DNAH14: variants seen among roughly 807,000 people sequenced by gnomAD.
DNAH14 encodes the protein dynein axonemal heavy chain 14.
A neutral mutation model predicts 520.9 loss-of-function variants in DNAH14; 478 were observed. That is an observed-to-expected ratio of 0.92 (90% confidence interval 0.85 to 0.99). The LOEUF (loss-of-function observed/expected upper bound fraction) is 0.99. Among genes scored for constraint, DNAH14 ranks in the 50% least tolerant of loss-of-function variants. The pLI is 0.00. For synonymous variants in DNAH14, 1,581 were observed against 1,757.2 expected, an observed-to-expected ratio of 0.90 and a Z score of 2.51; for missense variants, 4,831 against 5,234.5, an observed-to-expected ratio of 0.92 and a Z score of 2.38.
At chr1:225,027,191 T>G (rs2066180853) in intron 11 of DNAH14, among the ~76,000 whole-genome samples, 1 of 152,178 alleles carries the variant, frequency 6.6e-6, no homozygotes, top group Non-Finnish European at 1.5e-5. Flanking sequence ...CAAAATCATG[T>G]CATCTGCAAA....
rs568588773 is a variant in DNAH14 at position 225,273,426 on chromosome 1, G to A, written c.8010+301G>A. ...TGCAGTCCAGCCTGGGCGACAGAGCGAGACTCCGTCTCAAAACAAAACAAA... is the reference window on the plus strand; with the variant it reads ...TGCAGTCCAGCCTGGGCGACAGAGCAAGACTCCGTCTCAAAACAAAACAAA... On this transcript the variant is annotated intron_variant, in intron 52 of 85. Coordinates refer to ENST00000682510, the MANE Select transcript of DNAH14 (RefSeq NM_001367479.1). 2.0e-4 allele frequency among the ~76,000 whole-genome samples: 31 copies of A among 152,368 alleles called. No individual in the cohort carries two copies. In the South Asian group the frequency reaches 6.4e-3, roughly 32 times the overall value.
At chr1:225,396,758 A>C (rs1285905136) in intron 84 of DNAH14, 2 of 152,226 alleles carry the variant, frequency 1.3e-5, no homozygotes, top group Non-Finnish European at 2.9e-5. Flanking sequence ...TTGAAGAGTT[A>C]AATCACTCCA....
chr1:225,078,859 C>CT (rs2072720564), intron 17 of DNAH14, among the ~76,000 whole-genome samples: 1 of 18,996 alleles, frequency 5.3e-5, no homozygotes, highest in African/African-American at 1.5e-4. Context: ...TCTCTCTCTC[C>CT]CTCTCTCTCT....
intron 17 of DNAH14, among the ~76,000 whole-genome samples, chr1:225,072,928 C>T (rs1572869778): frequency 6.6e-6 from 1 of 152,022 alleles, no homozygotes; most frequent in African/African-American, 2.4e-5. Flanking sequence ...AATGCACCTG[C>T]AGGACATGGC....
At chr1:224,968,214 C>T (rs547656111) in intron 6 of DNAH14, among the ~76,000 whole-genome samples, 9 of 152,064 alleles carry the variant, frequency 5.9e-5, no homozygotes, top group Middle Eastern at 3.4e-3. Context: ...TGAATATACA[C>T]GTAGATACAT....
chr1:225,394,810 C>T (rs2095982177), intron 84 of DNAH14, among the ~76,000 whole-genome samples: 1 of 150,344 alleles, frequency 6.7e-6, no homozygotes, highest in African/African-American at 2.5e-5. Context: ...TGCTACTGCA[C>T]TCCAGCCTGG....
chr1:224,974,058 G>T (rs948979993), intron 7 of DNAH14, 33 bp from the exon 8 acceptor site: 8 of 1,384,868 alleles, frequency 5.8e-6, no homozygotes, highest in Admixed American at 5.2e-5. Context: ...GTGGTTTATG[G>T]ATATGGAATA....
intron 69 of DNAH14, among the ~76,000 whole-genome samples, chr1:225,345,069 G>C (rs921720593): frequency 6.6e-6 from 1 of 152,062 alleles, no homozygotes; most frequent in Non-Finnish European, 1.5e-5. Context: ...GCCCAAACTC[G>C]GTGGGAAATG....
At chr1:225,095,703 A>G (rs2074902153) in intron 21 of DNAH14, among the ~76,000 whole-genome samples, 2 of 152,202 alleles carry the variant, frequency 1.3e-5, no homozygotes. Flanking sequence ...ATCAATCTCA[A>G]AATAATTATG....
chr1:225,374,376 C>T (rs955731060), intron 77 of DNAH14, among the ~76,000 whole-genome samples: 22 of 149,876 alleles, frequency 1.5e-4, no homozygotes, highest in African/African-American at 5.1e-4. Flanking sequence ...ATTCTCCTGC[C>T]TCAGCCTCCC....
chr1:225,237,058 C>T (rs1023999438), intron 42 of DNAH14, among the ~76,000 whole-genome samples: 6 of 151,998 alleles, frequency 3.9e-5, no homozygotes, highest in Admixed American at 3.9e-4. Flanking sequence ...AAATTTTCTC[C>T]CATCCCTTTA....
At chr1:225,078,429 T>C (rs1426126472) in intron 17 of DNAH14, among the ~76,000 whole-genome samples, 4 of 152,242 alleles carry the variant, frequency 2.6e-5, no homozygotes, top group African/African-American at 9.6e-5. Flanking sequence ...ATTACATTTC[T>C]TGAAAATTGT....
chr1:225,344,313 T>G (rs996015323), intron 69 of DNAH14, among the ~76,000 whole-genome samples: 7 of 152,066 alleles, frequency 4.6e-5, no homozygotes, highest in Non-Finnish European at 2.9e-5. Context: ...GTTGTACAGA[T>G]TATGTCATCA....
intron 10 of DNAH14, among the ~76,000 whole-genome samples, chr1:225,021,805 C>T (rs1401187010): frequency 1.3e-5 from 2 of 151,898 alleles, no homozygotes; most frequent in African/African-American, 4.8e-5. Flanking sequence ...TGTGTTGAAC[C>T]AAAGAACCTG....
At chr1:225,029,514 A>G (rs755968062) in intron 11 of DNAH14, among the ~76,000 whole-genome samples, 1 of 152,048 alleles carries the variant, frequency 6.6e-6, no homozygotes, top group Admixed American at 6.6e-5. Context: ...TAGATCCTGG[A>G]CATACAATGC....
chr1:225,327,243 C>T (rs557170470), intron 64 of DNAH14, among the ~76,000 whole-genome samples: 4 of 152,054 alleles, frequency 2.6e-5, no homozygotes, highest in South Asian at 2.1e-4. Flanking sequence ...CTGCAAGCTC[C>T]GCCTCCCGGG....
intron 84 of DNAH14, among the ~76,000 whole-genome samples, 192 bp downstream of exon 84, chr1:225,392,643 G>GA (rs1169177818): frequency 6.6e-6 from 1 of 152,106 alleles, no homozygotes; most frequent in East Asian, 1.9e-4. Flanking sequence ...TTCTGGGGGG[G>GA]ATAAAAGATC....
At chr1:225,144,712 C>A in intron 29 of DNAH14, 84 bp downstream of exon 29, 1 of 1,071,288 alleles carries the variant, frequency 9.3e-7, no homozygotes, top group Non-Finnish European at 1.3e-6. Flanking sequence ...TTACACCATT[C>A]CTGCTATTAA....
At chr1:225,261,751 C>T (rs186323743) in intron 46 of DNAH14, among the ~76,000 whole-genome samples, 9 of 152,184 alleles carry the variant, frequency 5.9e-5, no homozygotes, top group African/African-American at 2.2e-4. Flanking sequence ...TAGAATTCAG[C>T]ATAAACCATC....
Sources: gnomAD v4.1 joint callset for allele counts (sites outside exome capture counted in the v4.1 genomes callset) on GRCh38, gnomAD v4.1.1 for gene constraint, MANE v1.5 for transcripts, NCBI Gene and HGNC (gene_info 2026-07-23, HGNC 2026-07-21) for gene names.